The following FGF14 variants were observed in gnomAD, a reference collection of about 807,000 sequenced individuals.
FGF14 encodes the protein fibroblast growth factor 14.
A neutral mutation model predicts 25.5 loss-of-function variants in FGF14; 5 were observed. The observed-to-expected ratio is 0.20, with a 90% CI of 0.10 to 0.41. The LOEUF (loss-of-function observed/expected upper bound fraction) is 0.41. Ranked by LOEUF, FGF14 falls within the 10% of genes least tolerant of loss-of-function variation. The pLI, the probability that FGF14 is intolerant of heterozygous loss-of-function variation, is 1.00. For missense variants in FGF14, 222 were observed against 320.1 expected (o/e 0.69, Z 2.34); for synonymous variants, 138 against 118.3 (o/e 1.17, Z -1.08).
chr13:101,869,181 A>C (rs148678101), intron 2 of FGF14, among the ~76,000 whole-genome samples: 1 of 152,204 alleles, frequency 6.6e-6, no homozygotes, highest in African/African-American at 2.4e-5. Context: ...CAGAATTTTA[A>C]AAGTCCAAGT....
intron 1 of FGF14, among the ~76,000 whole-genome samples, chr13:102,047,893 C>T (rs960305788): frequency 5.9e-5 from 9 of 152,158 alleles, no homozygotes; most frequent in Non-Finnish European, 1.0e-4. Flanking sequence ...ACCCACTTTT[C>T]ATGCCTTCTA....
intron 1 of FGF14, among the ~76,000 whole-genome samples, chr13:102,346,532 T>C (rs1027840708): frequency 5.9e-5 from 9 of 152,234 alleles, no homozygotes; most frequent in African/African-American, 1.9e-4. Flanking sequence ...AAAGAGACTA[T>C]GTCATATATG....
intron 1 of FGF14, among the ~76,000 whole-genome samples, chr13:102,073,870 G>C (rs989016646): frequency 6.6e-6 from 1 of 152,182 alleles, no homozygotes; most frequent in South Asian, 2.1e-4. Context: ...TGGAGCTAAG[G>C]AAAGATCTTG....
intron 1 of FGF14, among the ~76,000 whole-genome samples, chr13:102,045,174 A>G (rs2041926455): frequency 6.6e-6 from 1 of 152,184 alleles, no homozygotes; most frequent in East Asian, 1.9e-4. Flanking sequence ...GACACTTCCC[A>G]TCAAGCATCT....
intron 1 of FGF14, among the ~76,000 whole-genome samples, chr13:102,210,644 C>T (rs1209237959): frequency 6.6e-6 from 1 of 152,038 alleles, no homozygotes; most frequent in Non-Finnish European, 1.5e-5. Context: ...GGTGTGTTTC[C>T]CATGGCCCTG....
chr13:102,067,118 T>C (rs1023328737), intron 1 of FGF14, among the ~76,000 whole-genome samples: 1 of 152,210 alleles, frequency 6.6e-6, no homozygotes, highest in African/African-American at 2.4e-5. Flanking sequence ...CACATCCTCA[T>C]GAACAGTAGT....
At chr13:102,399,079 A>T (rs1462661119) in intron 1 of FGF14, among the ~76,000 whole-genome samples, 1 of 152,044 alleles carries the variant, frequency 6.6e-6, no homozygotes, top group Admixed American at 6.6e-5. Flanking sequence ...TCTAAAAATA[A>T]ATTGTCATTT....
intron 3 of FGF14, among the ~76,000 whole-genome samples, chr13:101,832,709 A>C (rs2042734436): frequency 6.6e-6 from 1 of 152,082 alleles, no homozygotes; most frequent in Non-Finnish European, 1.5e-5. Context: ...CAGTGGGACC[A>C]CTGCTCCATG....
intron 1 of FGF14, among the ~76,000 whole-genome samples, chr13:102,198,627 C>G (rs1245001304): frequency 6.6e-6 from 1 of 152,124 alleles, no homozygotes; most frequent in Non-Finnish European, 1.5e-5. Flanking sequence ...CTTCTAAAGA[C>G]CAGAGAAAAT....
At position 101,916,582 on chromosome 13, in the gene FGF14, C is replaced by T; in HGVS notation, c.64G>A (p.Asp22Asn). Residue 22 changes from aspartate to asparagine, a missense_variant, in exon 1 of 5, where the codon GAC (aspartate) becomes AAC (asparagine). Coordinates refer to ENST00000376143, the MANE Select transcript of FGF14 (RefSeq NM_004115.4). ...CGCCTCCTGCTGGCAGACGGCCGGT[C>T]CCAGTGCTGCTCCCGCGCCTGCCGC... Reference protein sequence around the residue: ...QKRQAREQHWDRPSASRRRSS... With the variant: ...QKRQAREQHWNRPSASRRRSS... The T allele has an allele frequency of 6.2e-7, 1 of 1,605,514 alleles. No individual in the cohort carries two copies. Among genetic ancestry groups the T allele is most frequent in the Non-Finnish European group, 8.5e-7 (1 of 1,176,602 alleles).
intron 1 of FGF14, among the ~76,000 whole-genome samples, chr13:102,163,511 G>C (rs1446611657): frequency 6.6e-6 from 1 of 152,110 alleles, no homozygotes; most frequent in Non-Finnish European, 1.5e-5. Context: ...TGAATACGAT[G>C]AACTTAAGAA....
rs944503161 is a variant in FGF14 at position 102,267,997 on chromosome 13, A to C, written c.208+133474T>G. On this transcript the variant is annotated intron_variant, in intron 1 of 4. Coordinates refer to the FGF14 transcript ENST00000376131. ...TCAATTTAGCTATAAATAGATAAGA[A>C]GGAAACAATAAATCATGAAATACAA... Among the ~76,000 whole-genome samples the C allele has an allele frequency of 2.6e-5, 4 of 152,308 alleles. 1 individual carries two copies.
chr13:101,955,256 C>G (rs1042469731), intron 1 of FGF14, among the ~76,000 whole-genome samples: 1 of 152,234 alleles, frequency 6.6e-6, no homozygotes, highest in Non-Finnish European at 1.5e-5. Context: ...TTTCAGGAAT[C>G]TCTTTGAACT....
At chr13:102,037,667 C>T (rs1320472553) in intron 1 of FGF14, among the ~76,000 whole-genome samples, 3 of 152,166 alleles carry the variant, frequency 2.0e-5, no homozygotes, top group Non-Finnish European at 2.9e-5. Flanking sequence ...GTTCATCAAA[C>T]GTCAGCAGTT....
intron 1 of FGF14, among the ~76,000 whole-genome samples, chr13:102,322,976 T>C (rs2056301972): frequency 6.6e-6 from 1 of 152,164 alleles, no homozygotes; most frequent in Non-Finnish European, 1.5e-5. Context: ...CTTGCTTTTC[T>C]CACAAATTGA....
intron 1 of FGF14, among the ~76,000 whole-genome samples, chr13:102,188,224 T>A (rs17589266): frequency 0.058 from 8,795 of 152,206 alleles, 331 homozygotes; most frequent in Middle Eastern, 0.092. Flanking sequence ...CCAAAAAAAA[T>A]GTTTCTGGGT....
At chr13:101,813,590 T>C (rs1369191318) in intron 3 of FGF14, among the ~76,000 whole-genome samples, 4 of 152,190 alleles carry the variant, frequency 2.6e-5, no homozygotes, top group African/African-American at 9.7e-5. Flanking sequence ...CAGTCTCAGG[T>C]ATTTTGTTAT....
intron 1 of FGF14, among the ~76,000 whole-genome samples, chr13:101,980,222 T>C (rs993385532): frequency 1.3e-5 from 2 of 152,178 alleles, no homozygotes; most frequent in Non-Finnish European, 2.9e-5. Flanking sequence ...AACGATGAGG[T>C]AACTTGTTCT....
chr13:102,307,065 T>A (rs1040357479), intron 1 of FGF14, among the ~76,000 whole-genome samples: 1 of 151,892 alleles, frequency 6.6e-6, no homozygotes, highest in African/African-American at 2.4e-5. Context: ...AAAGTGGAGA[T>A]TTCCCAGCTG....
Sources: allele counts gnomAD v4.1 joint callset (sites outside exome capture counted in the v4.1 genomes callset), GRCh38; gene constraint gnomAD v4.1.1; transcripts MANE v1.5; gene names NCBI Gene and HGNC (gene_info 2026-07-23, HGNC 2026-07-21).